SIGMAR1: variants seen among roughly 807,000 people sequenced by gnomAD.
The protein encoded by SIGMAR1 is sigma non-opioid intracellular receptor 1.
A neutral mutation model predicts 25.4 loss-of-function variants in SIGMAR1; 18 were observed. The ratio of observed to expected loss-of-function variants is 0.71; its 90% CI spans 0.49 to 1.05. SIGMAR1 has a LOEUF of 1.05. Among genes scored for constraint, SIGMAR1 ranks in the 50% least tolerant of loss-of-function variants. The pLI, the probability that SIGMAR1 is intolerant of heterozygous loss-of-function variation, is 0.00. For missense variants in SIGMAR1, 249 were observed against 301.6 expected (o/e 0.83, Z 1.29); for synonymous variants, 125 against 131.6 (o/e 0.95, Z 0.34).
chr9:34,635,871 G>A lies in SIGMAR1; in HGVS notation c.446-13C>T. 3 of 1,613,716 alleles carry A rather than the reference G, an allele frequency of 1.9e-6. No individual in the cohort carries two copies. The highest frequency in any genetic ancestry group is 2.5e-6 in the Non-Finnish European group (3 of 1,180,000). On this transcript the variant is annotated splice_polypyrimidine_tract_variant and intron_variant, in intron 3 of 3. Coordinates refer to ENST00000277010, the MANE Select transcript of SIGMAR1 (RefSeq NM_005866.4). The surrounding 1 kb of genome is among the most constrained non-coding windows in gnomAD (Gnocchi z 4.5). ...ACTACCGTCTCCCCTGGGGGACAGG[G>A]AGCACCCAAGTGAAAAGCCAGCTCT... is the stretch of plus-strand genomic sequence containing the variant.
At position 34,637,096 on chromosome 9, in the gene SIGMAR1, G is replaced by A. The variant is rs996916260; in HGVS notation, c.353-7C>T. The A allele has an allele frequency of 3.1e-6, 5 of 1,613,900 alleles. No homozygotes were observed. The highest frequency in any genetic ancestry group is 1.7e-5 in the Admixed American group (1 of 60,030). ...ATCTCAGCCCAGTAGCGCCCTGAGTGACAATCGCACATGACACTATCAGGG... is the reference window on the plus strand; with the variant it reads ...ATCTCAGCCCAGTAGCGCCCTGAGTAACAATCGCACATGACACTATCAGGG... On this transcript the variant is annotated splice_polypyrimidine_tract_variant and splice_region_variant and intron_variant, in intron 2 of 3. Transcript: ENST00000277010.
Position 34,635,716 on chromosome 9 carries a change from G to C in SIGMAR1, c.588C>G (p.Phe196Leu). The C allele has an allele frequency of 6.8e-6, 11 of 1,614,268 alleles. No individual in the cohort carries two copies. Among genetic ancestry groups the C allele is most frequent in the Non-Finnish European group, 8.5e-6 (10 of 1,180,060 alleles). The change falls in exon 4 of 4, where the codon TTC becomes TTG. Residue 196 changes from phenylalanine to leucine, a missense_variant. Phe to Leu is a conservative substitution (Grantham distance 22). Transcript: ENST00000277010. This position sits in a 1 kb window ranked among gnomAD's most constrained non-coding sequence, Gnocchi z 4.5. ...AGCGAAGAGTATAGAAGAGGGTGAGGAAGTCCTGGGTGCTGAAGACAGTGT... is the reference window on the plus strand; with the variant it reads ...AGCGAAGAGTATAGAAGAGGGTGAGCAAGTCCTGGGTGCTGAAGACAGTGT... Reference protein sequence around the residue: ...LADTVFSTQDFLTLFYTLRSY... With the variant: ...LADTVFSTQDLLTLFYTLRSY...
Position 34,635,452 on chromosome 9 carries a change from CAT to C in SIGMAR1, c.*178_*179del. On this transcript the variant is annotated 3_prime_UTR_variant, in exon 4 of 4. Transcript: ENST00000277010. The surrounding 1 kb of genome is among the most constrained non-coding windows in gnomAD (Gnocchi z 4.5). ...CAGGTCTCAGTATCTATATGTGTCT[CAT>C]TTGTTCCCATGGGTCTCTGTGTTTG... 1 of 903,950 alleles carries C rather than the reference CAT, an allele frequency of 1.1e-6. No homozygotes were observed. The allele number at this position is 903,950 out of a possible 1,614,324, so 56.0% of individuals were successfully genotyped here.
rs1052436351 is a variant in SIGMAR1, at chr9:34,637,704, G to A, written c.-7C>T. 2.6e-6 allele frequency: 4 copies of A among 1,518,722 alleles called. No individual in the cohort carries two copies. Among genetic ancestry groups the A allele is most frequent in the African/African-American group, 1.4e-5 (1 of 72,368 alleles). The allele number at this position is 1,518,722 out of a possible 1,614,324, so 94.1% of individuals were successfully genotyped here. A position where few individuals can be genotyped will look rare whatever the true frequency, so the allele number is the denominator to read the frequency against. On this transcript the variant is annotated 5_prime_UTR_variant, in exon 1 of 4. Coordinates refer to ENST00000277010, the MANE Select transcript of SIGMAR1 (RefSeq NM_005866.4). Reference sequence around the variant, plus strand: ...GGCCCACGGCCCACTGCATCCCGGCGGGCGGCCTGGCACGGCGCAGCTCAG... The same window carrying A: ...GGCCCACGGCCCACTGCATCCCGGCAGGCGGCCTGGCACGGCGCAGCTCAG...
rs1820776069 is a variant in SIGMAR1 at position 34,634,785 on chromosome 9, CTGTGTGAAAACTGTGATATGTGTGTGTG to C, written c.*819_*846del. ...AGATGGACAGAGAATGCAGCAGGGG[CTGTGTGAAAACTGTGATATGTGTGTGTG>C]TGTGTGTGTGTGTATGTGTTGTGTG... On this transcript the variant is annotated 3_prime_UTR_variant, in exon 4 of 4. Transcript: ENST00000277010. The C allele has an allele frequency of 6.7e-6, 1 of 149,706 alleles. No individual in the cohort carries two copies. Among genetic ancestry groups the C allele is most frequent in the East Asian group, 2.0e-4 (1 of 5,122 alleles). The allele number at this position is 149,706 out of a possible 1,614,324, so 9.3% of individuals were successfully genotyped here. A position where few individuals can be genotyped will look rare whatever the true frequency, so the allele number is the denominator to read the frequency against.
chr9:34,637,115 A>G (rs770404004), intron 2 of SIGMAR1, 26 bp from the exon 3 acceptor site: 2 of 1,613,226 alleles, frequency 1.2e-6, no homozygotes, highest in Middle Eastern at 1.6e-4. Context: ...ACATGACACT[A>G]TCAGGGTATT....
intron 1 of SIGMAR1, 24 bp from the exon 2 acceptor site, chr9:34,637,444 G>A (rs759443191): frequency 7.1e-5 from 113 of 1,596,204 alleles, no homozygotes; most frequent in Non-Finnish European, 9.2e-5. Flanking sequence ...AGGGGCGGCG[G>A]AGTCAGGGCT....
rs1398178063 is a variant in SIGMAR1 at position 34,637,328 on chromosome 9, C to G, written c.244G>C (p.Val82Leu). ...ATCCAGCCACCCGCATTCACGAACA[C>G]CCACTGCAGCTCCTCGTCGGGCAGC... The part of the protein sequence containing the change: ...HVLPDEELQW[V>L]FVNAGGWMGA... Residue 82 changes from valine (V) to leucine (L), a missense_variant, in exon 2 of 4, where the codon GTG becomes CTG. By Grantham distance (32) the Val-to-Leu change is conservative (BLOSUM62 1). Coordinates refer to ENST00000277010, the MANE Select transcript of SIGMAR1 (RefSeq NM_005866.4). 4.4e-6 allele frequency: 7 copies of G among 1,603,646 alleles called. No homozygotes were observed. Among genetic ancestry groups the G allele is most frequent in the Non-Finnish European group, 5.9e-6 (7 of 1,178,302 alleles).
At chr9:34,636,497 T>C (rs990082224) in intron 3 of SIGMAR1, among the ~76,000 whole-genome samples, 2 of 151,760 alleles carry the variant, frequency 1.3e-5, no homozygotes, top group Non-Finnish European at 2.9e-5. Flanking sequence ...TAGCCGGGCG[T>C]GGTGGCGGGC....
Position 34,635,965 on chromosome 9 carries a change from GCTTC to G in SIGMAR1, c.446-111_446-108del. ...ACTAGGGGTGGGGAATGGAGAGGGA[GCTTC>G]AGAAAAACAAAAAGCCCTACCTCAC... On this transcript the variant is annotated intron_variant, in intron 3 of 3. Transcript: ENST00000277010. The surrounding 1 kb of genome is among the most constrained non-coding windows in gnomAD (Gnocchi z 4.5). The G allele has an allele frequency of 6.6e-7, 1 of 1,519,204 alleles. No homozygotes were observed. Among genetic ancestry groups the G allele is most frequent in the Admixed American group, 1.9e-5 (1 of 52,088 alleles). The allele number at this position is 1,519,204 out of a possible 1,614,324, so 94.1% of individuals were successfully genotyped here.
chr9:34,636,772 A>G (rs1348920056), intron 3 of SIGMAR1: 1 of 600,834 alleles, frequency 1.7e-6, no homozygotes, highest in East Asian at 2.8e-5. Flanking sequence ...TAAAAATCAG[A>G]CATGTTTAAT....
In SIGMAR1 at chr9:34,637,619, AGAC is replaced by A; in HGVS notation, c.76_78del (p.Val26del). On this transcript the variant is annotated inframe_deletion, in exon 1 of 4. Transcript: ENST00000277010. ...AAGCTCTGCGTACCCAGCCAGAGCC[AGAC>A]GACCTGGGTCAGCACCGCTGCGACA... The A allele has an allele frequency of 1.3e-6, 2 of 1,547,104 alleles. No individual in the cohort carries two copies. The highest frequency in any genetic ancestry group is 1.7e-6 in the Non-Finnish European group (2 of 1,151,188).
At position 34,635,922 on chromosome 9, in the gene SIGMAR1, T is replaced by C; in HGVS notation, c.446-64A>G. ...GCCCTGCCCTTCCATGGCTGCTGCT[T>C]CCCTGGCCCATGGACTAACTAGGGG... is the stretch of plus-strand genomic sequence containing the variant. On this transcript the variant is annotated intron_variant, in intron 3 of 3. Transcript: ENST00000277010. This position sits in a 1 kb window ranked among gnomAD's most constrained non-coding sequence, Gnocchi z 4.5. The C allele has an allele frequency of 6.2e-7, 1 of 1,605,636 alleles. No homozygotes were observed.
chr9:34,635,466 G>A lies in SIGMAR1; in HGVS notation c.*166C>T. 4 of 1,017,404 alleles carry A rather than the reference G, an allele frequency of 3.9e-6. No individual in the cohort carries two copies. The highest frequency in any genetic ancestry group is 5.9e-6 in the Non-Finnish European group (4 of 679,978). 63.0% of individuals were successfully genotyped at this position (1,017,404 alleles called of 1,614,324 possible). ...TATATGTGTCTCATTTGTTCCCATG[G>A]GTCTCTGTGTTTGGATACATAAGCA... On this transcript the variant is annotated 3_prime_UTR_variant, in exon 4 of 4. Coordinates refer to ENST00000277010, the MANE Select transcript of SIGMAR1 (RefSeq NM_005866.4). This position sits in a 1 kb window ranked among gnomAD's most constrained non-coding sequence, Gnocchi z 4.5.
In SIGMAR1 at chr9:34,636,496, G is replaced by A. The variant is rs572119750; in HGVS notation, c.445+501C>T. On this transcript the variant is annotated intron_variant, in intron 3 of 3. Transcript: ENST00000277010. ...AAAATACAAAAAAAATTAGCCGGGCGTGGTGGCGGGCGCCTGTAGTCCCAG... is the reference window on the plus strand; with the variant it reads ...AAAATACAAAAAAAATTAGCCGGGCATGGTGGCGGGCGCCTGTAGTCCCAG... 3.3e-5 allele frequency among the ~76,000 whole-genome samples: 5 copies of A among 152,124 alleles called. No individual in the cohort carries two copies. In the East Asian group the frequency reaches 7.8e-4, roughly 24 times the overall value.
At chr9:34,636,443 C>T (rs951520204) in intron 3 of SIGMAR1, among the ~76,000 whole-genome samples, 1 of 151,828 alleles carries the variant, frequency 6.6e-6, no homozygotes, top group Non-Finnish European at 1.5e-5. Context: ...ACCATCCTGG[C>T]TGGTATGGTG....
Position 34,635,682 on chromosome 9 carries a change from G to A in SIGMAR1, c.622C>T (p.Arg208Trp), listed in dbSNP as rs11559048. 4.3e-3 allele frequency: 6,864 copies of A among 1,614,216 alleles called. 64 individuals carry two copies. The highest frequency in any genetic ancestry group is 0.03 in the East Asian group (1,334 of 44,876). ...TLFYTLRSYA[R>W]GLRLELTTYL... ...GTGGTGAGCTCAAGCCGGAGGCCCC[G>A]AGCATAGGAGCGAAGAGTATAGAAG... is the stretch of plus-strand genomic sequence containing the variant. The change falls in exon 4 of 4, where the codon CGG (arginine) becomes TGG (tryptophan). Residue 208 changes from arginine to tryptophan, a missense_variant. Coordinates refer to ENST00000277010, the MANE Select transcript of SIGMAR1 (RefSeq NM_005866.4). The surrounding 1 kb of genome is among the most constrained non-coding windows in gnomAD (Gnocchi z 4.5).
In SIGMAR1 at chr9:34,637,402, G is replaced by A; in HGVS notation, c.170C>T (p.Ala57Val). ...CAGCTCCACGATCAGACGAGAGAAGGCCAGCTCGTGGTCCAGCCCTGGCGG... is the reference window on the plus strand; with the variant it reads ...CAGCTCCACGATCAGACGAGAGAAGACCAGCTCGTGGTCCAGCCCTGGCGG... Reference protein sequence around the residue: ...RQYAGLDHELAFSRLIVELRR... With the variant: ...RQYAGLDHELVFSRLIVELRR... Residue 57 changes from alanine (A) to valine (V), a missense_variant, in exon 2 of 4, where the codon GCC (alanine) becomes GTC (valine). Physicochemically the swap from Ala to Val is moderately conservative, Grantham distance 64. Transcript: ENST00000277010. 1 of 1,604,402 alleles carries A rather than the reference G, an allele frequency of 6.2e-7. No homozygotes were observed. Among genetic ancestry groups the A allele is most frequent in the Non-Finnish European group, 8.5e-7 (1 of 1,179,526 alleles).
intron 3 of SIGMAR1, among the ~76,000 whole-genome samples, chr9:34,636,133 G>A (rs1587226315): frequency 6.6e-6 from 1 of 152,034 alleles, no homozygotes; most frequent in Non-Finnish European, 1.5e-5. Context: ...AGCCTCACTC[G>A]AATCAAGCAG....
Sources: gnomAD v4.1 joint callset for allele counts (sites outside exome capture counted in the v4.1 genomes callset) on GRCh38, gnomAD v4.1.1 for gene constraint, Gnocchi (gnomAD v3.1) non-coding constraint, MANE v1.5 for transcripts, NCBI Gene and HGNC (gene_info 2026-07-23, HGNC 2026-07-21) for gene names.